The following HSPG2 variants were observed in gnomAD, a reference collection of about 807,000 sequenced individuals.
HSPG2 encodes the protein basement membrane-specific heparan sulfate proteoglycan core protein.
In HSPG2, 278 loss-of-function variants were observed where a neutral mutation model predicts 526.6. That is an observed-to-expected ratio of 0.53 (90% CI 0.48 to 0.58). HSPG2 has a LOEUF of 0.58. Among genes scored for constraint, HSPG2 ranks in the 20% least tolerant of loss-of-function variants. The probability of loss-of-function intolerance (pLI) is 0.00; values close to 1 mark genes in which losing one functional copy is unlikely to be tolerated. For synonymous variants in HSPG2, 2,465 were observed against 2,555.4 expected, an observed-to-expected ratio of 0.96 and a Z score of 1.07; for missense variants, 5,354 against 6,099.5, an observed-to-expected ratio of 0.88 and a Z score of 4.07.
intron 64 of HSPG2, among the ~76,000 whole-genome samples, chr1:21,845,824 C>T (rs1283023759): frequency 6.6e-6 from 1 of 152,174 alleles, no homozygotes; most frequent in Non-Finnish European, 1.5e-5. Flanking sequence ...AAGCTGAGGT[C>T]CCTTGTGCAA....
chr1:21,865,689 C>T lies in HSPG2; in HGVS notation c.4314+28G>A, dbSNP rs1203303867. On this transcript the variant is annotated intron_variant, in intron 34 of 96. Transcript: ENST00000374695. This position sits in a 1 kb window ranked among gnomAD's most constrained non-coding sequence, Gnocchi z 5.4. ...CCTGGCTTCCATCCTGCCCTTCTGC[C>T]CACCCAGCATGGTGTCCAAATGCTC... 9.5e-6 allele frequency: 15 copies of T among 1,577,620 alleles called. No individual in the cohort carries two copies. Among genetic ancestry groups the T allele is most frequent in the African/African-American group, 4.0e-5 (3 of 74,144 alleles).
rs777929223 is a variant in HSPG2 at position 21,872,775 on chromosome 1, G to A, written c.3889-15C>T. 1 of 1,606,492 alleles carries A rather than the reference G, an allele frequency of 6.2e-7. No individual in the cohort carries two copies. The highest frequency in any genetic ancestry group is 8.5e-7 in the Non-Finnish European group (1 of 1,177,386). On this transcript the variant is annotated splice_polypyrimidine_tract_variant and intron_variant, in intron 31 of 96. Transcript: ENST00000374695. The surrounding 1 kb of genome is among the most constrained non-coding windows in gnomAD (Gnocchi z 5.5). ...TCCACCTGGGCCTGGGTAGACGGAT[G>A]GAAGGAGGCAGGCAGGGGACTCAGT... is the stretch of plus-strand genomic sequence containing the variant.
intron 91 of HSPG2, among the ~76,000 whole-genome samples, chr1:21,827,063 C>G (rs901931990): frequency 4.0e-5 from 6 of 151,856 alleles, no homozygotes; most frequent in Non-Finnish European, 8.8e-5. Context: ...CAAAAATTAG[C>G]GGGGTGTGGT....
intron 74 of HSPG2, among the ~76,000 whole-genome samples, chr1:21,838,006 C>T (rs192694036): frequency 6.6e-6 from 1 of 151,866 alleles, no homozygotes; most frequent in Non-Finnish European, 1.5e-5. Flanking sequence ...CGTGGTGGCG[C>T]GTGCCTGTAG....
rs72662421 is a variant in HSPG2 at position 21,842,641 on chromosome 1, G to A, written c.8910+129C>T. The A allele has an allele frequency of 0.11, 140,997 of 1,240,892 alleles. 9,190 individuals are homozygous for A. Among genetic ancestry groups the A allele is most frequent in the Admixed American group, 0.18 (9,051 of 50,896 alleles). The allele number at this position is 1,240,892 out of a possible 1,614,324, so 76.9% of individuals were successfully genotyped here. The stretch of plus-strand genomic sequence containing the variant: ...TCCTGATTTGCAGGCTGGTGAACTC[G>A]TCCCGCAAACGTATTTTATCCCCTG... On this transcript the variant is annotated intron_variant, in intron 67 of 96. Coordinates refer to ENST00000374695, the MANE Select transcript of HSPG2 (RefSeq NM_005529.7).
intron 1 of HSPG2, among the ~76,000 whole-genome samples, chr1:21,913,556 C>A (rs1164033605): frequency 1.3e-5 from 2 of 152,206 alleles, no homozygotes; most frequent in Non-Finnish European, 2.9e-5. Context: ...TGCTCCCTGC[C>A]CAACCCCCAG....
At chr1:21,841,376 G>A in intron 70 of HSPG2, 91 bp from the exon 71 acceptor site, 1 of 1,569,536 alleles carries the variant, frequency 6.4e-7, no homozygotes, top group Admixed American at 1.7e-5. Context: ...ACTGCTGGGT[G>A]GGCACCTGTC....
chr1:21,844,426 G>A (rs1408871648), intron 64 of HSPG2, 127 bp from the exon 65 acceptor site: 1 of 1,078,264 alleles, frequency 9.3e-7, no homozygotes, highest in Non-Finnish European at 1.3e-6. Context: ...CCGTTCCATT[G>A]AGGCCTGGAG....
rs755825232 is a variant in HSPG2, at chr1:21,844,254, C to T, written c.8510G>A (p.Arg2837Gln). The T allele has an allele frequency of 8.1e-6, 13 of 1,613,634 alleles. No individual in the cohort carries two copies. The highest frequency in any genetic ancestry group is 4.0e-5 in the African/African-American group (3 of 74,952). ...PPIRIEPSSS[R>Q]VAEGQTLDLK... ...ATCCAGGGTCTGCCCTTCTGCCACTCGGGAGGAGGAGGGCTCGATGCGGAT... is the reference window on the plus strand; with the variant it reads ...ATCCAGGGTCTGCCCTTCTGCCACTTGGGAGGAGGAGGGCTCGATGCGGAT... Residue 2837 changes from arginine to glutamine, a missense_variant, in exon 65 of 97, where the codon CGA (arginine) becomes CAA (glutamine). Transcript: ENST00000374695.
At position 21,873,420 on chromosome 1, in the gene HSPG2, C is replaced by T. The variant is rs779841547; in HGVS notation, c.3748G>A (p.Ala1250Thr). 29 of 1,613,890 alleles carry T rather than the reference C, an allele frequency of 1.8e-5. No individual in the cohort carries two copies. The African/African-American group carries it at 1.9e-4, about 10-fold the overall frequency. ...GHSGRHCERC[A>T]PGYYGNPSQG... Reference sequence around the variant, plus strand: ...CTGGGGTTGCCATAGTAGCCAGGGGCGCACCTGCAGAGAGAAAAAGCCTCT... The same window carrying T: ...CTGGGGTTGCCATAGTAGCCAGGGGTGCACCTGCAGAGAGAAAAAGCCTCT... The change falls in exon 30 of 97, where the codon GCC becomes ACC. Residue 1250 changes from alanine to threonine, a missense_variant. Coordinates refer to ENST00000374695, the MANE Select transcript of HSPG2 (RefSeq NM_005529.7).
At position 21,838,825 on chromosome 1, in the gene HSPG2, C is replaced by T. The variant is rs564401294; in HGVS notation, c.10150G>A (p.Gly3384Ser). Residue 3384 changes from glycine to serine, a missense_variant and splice_region_variant, in exon 74 of 97, where the codon GGC becomes AGC. Transcript: ENST00000374695. ...TCCACGCAGAGCCGGGGCTGCTTAC[C>T]TTGGACGAGCAGCTGGGCAAAGGCC... ...AEAFAQLLVQ[G>S]PPGSLPATSI... 31 of 1,611,812 alleles carry T rather than the reference C, an allele frequency of 1.9e-5. No individual in the cohort carries two copies. The highest frequency in any genetic ancestry group is 2.5e-5 in the Non-Finnish European group (29 of 1,179,578).
chr1:21,884,990 AC>A, intron 11 of HSPG2, 22 bp downstream of exon 11: 1 of 1,613,532 alleles, frequency 6.2e-7, no homozygotes, highest in Non-Finnish European at 8.5e-7. Flanking sequence ...TTCCCACCCC[AC>A]CACCTGGGCC....
rs2097954985 is a variant in HSPG2 at position 21,822,687 on chromosome 1, G to A, written c.*629C>T. Reference sequence around the variant, plus strand: ...GGGACCCCAGGCTGTGTGCTGGCAGGAGGGGGTGGGAATGCAGGCCAGGAG... The same window carrying A: ...GGGACCCCAGGCTGTGTGCTGGCAGAAGGGGGTGGGAATGCAGGCCAGGAG... On this transcript the variant is annotated 3_prime_UTR_variant, in exon 97 of 97. Transcript: ENST00000374695. 5.8e-6 allele frequency: 1 copy of A among 171,284 alleles called. No individual in the cohort carries two copies. Among genetic ancestry groups the A allele is most frequent in the Admixed American group, 5.7e-5 (1 of 17,422 alleles). The allele number at this position is 171,284 out of a possible 1,614,324, so 10.6% of individuals were successfully genotyped here. A position where few individuals can be genotyped will look rare whatever the true frequency, so the allele number is the denominator to read the frequency against.
intron 1 of HSPG2, among the ~76,000 whole-genome samples, chr1:21,900,507 A>T (rs1018311923): frequency 1.3e-5 from 2 of 152,124 alleles, no homozygotes; most frequent in African/African-American, 4.8e-5. Context: ...AGGGACAATG[A>T]ATGCAGGCTG....
chr1:21,837,134 G>C (rs2098029610), intron 74 of HSPG2, 128 bp from the exon 75 acceptor site: 1 of 850,444 alleles, frequency 1.2e-6, no homozygotes, highest in East Asian at 2.7e-5. Flanking sequence ...TCTGACCAGG[G>C]AAAAAAGACC....
At chr1:21,853,904 G>T in intron 50 of HSPG2, 1 of 484,982 alleles carries the variant, frequency 2.1e-6, no homozygotes, top group South Asian at 2.4e-5. Context: ...CTAAGGGGCA[G>T]ATCTGGGATT....
In HSPG2 at chr1:21,878,509, C is replaced by T. The variant is rs775330728; in HGVS notation, c.2559-18G>A. On this transcript the variant is annotated intron_variant, in intron 19 of 96. Coordinates refer to ENST00000374695, the MANE Select transcript of HSPG2 (RefSeq NM_005529.7). ...GGGCACAGCTAGGGGAGAGAGGGGG[C>T]CGCCATCAGCACTTCCATGACCCCA... 48 of 1,613,318 alleles carry T rather than the reference C, an allele frequency of 3.0e-5. No homozygotes were observed. The highest frequency in any genetic ancestry group is 3.9e-5 in the Non-Finnish European group (46 of 1,179,764).
Position 21,841,363 on chromosome 1 carries a change from G to T in HSPG2, c.9329-78C>A. ...CCACACTGCCATGGCCTCCAGCTTA[G>T]TAACTGCTGGGTGGGCACCTGTCTC... On this transcript the variant is annotated intron_variant, in intron 70 of 96. Transcript: ENST00000374695. 1.9e-6 allele frequency: 3 copies of T among 1,584,736 alleles called. No homozygotes were observed. The South Asian group carries it at 3.3e-5, about 18-fold the overall frequency.
chr1:21,851,346 C>T, intron 55 of HSPG2, 200 bp downstream of exon 55: 1 of 685,668 alleles, frequency 1.5e-6, no homozygotes, highest in Non-Finnish European at 2.5e-6. Context: ...TGTCCGAGGT[C>T]ACAAGCTAAG....
Sources: gnomAD v4.1 joint callset for allele counts (sites outside exome capture counted in the v4.1 genomes callset) on GRCh38, gnomAD v4.1.1 for gene constraint, Gnocchi (gnomAD v3.1) non-coding constraint, MANE v1.5 for transcripts, NCBI Gene and HGNC (gene_info 2026-07-23, HGNC 2026-07-21) for gene names.